Variants in IQCM observed in about 807,000 individuals in gnomAD.
IQCM encodes IQ domain-containing protein M.
In IQCM, 45 loss-of-function variants were observed where a neutral mutation model predicts 57.6. The ratio of observed to expected loss-of-function variants is 0.78; its 90% CI spans 0.62 to 1.00. IQCM has a LOEUF of 1.00. Ranked by LOEUF, IQCM falls within the 50% of genes least tolerant of loss-of-function variation. The pLI is 0.00. For synonymous variants in IQCM, 148 were observed against 158.9 expected, an observed-to-expected ratio of 0.93 and a Z score of 0.51; for missense variants, 468 against 511.6, an observed-to-expected ratio of 0.91 and a Z score of 0.82.
chr4:149,439,777 T>C (rs575375911), intron 12 of IQCM, among the ~76,000 whole-genome samples: 1 of 152,196 alleles, frequency 6.6e-6, no homozygotes, highest in Non-Finnish European at 1.5e-5. Flanking sequence ...CTTAGTTACA[T>C]TTGTGAGAGT....
intron 12 of IQCM, among the ~76,000 whole-genome samples, chr4:149,479,123 C>T (rs1342646769): frequency 6.6e-6 from 1 of 152,072 alleles, no homozygotes; most frequent in Non-Finnish European, 1.5e-5. Context: ...GGACAAGTGT[C>T]GCAAGAAGAG....
chr4:149,592,046 G>T (rs1227702307), intron 8 of IQCM, among the ~76,000 whole-genome samples: 1 of 152,116 alleles, frequency 6.6e-6, no homozygotes, highest in African/African-American at 2.4e-5. Context: ...TTCCACAATG[G>T]TTGAGTTAGT....
chr4:149,474,731 A>T (rs72724102), intron 12 of IQCM, among the ~76,000 whole-genome samples: 11,455 of 151,636 alleles, frequency 0.076, 560 homozygotes, highest in Middle Eastern at 0.15. Flanking sequence ...TAAATAAATA[A>T]ATATATATAA....
At chr4:149,647,463 C>A (rs191999761) in intron 7 of IQCM, among the ~76,000 whole-genome samples, 1 of 151,846 alleles carries the variant, frequency 6.6e-6, no homozygotes, top group South Asian at 2.1e-4. Flanking sequence ...AAGATGCTTG[C>A]GGAATTTTAG....
intron 13 of IQCM, among the ~76,000 whole-genome samples, chr4:149,409,073 C>G (rs1733187520): frequency 6.6e-6 from 1 of 152,186 alleles, no homozygotes; most frequent in Non-Finnish European, 1.5e-5. Flanking sequence ...GGAAATACTG[C>G]CCCATGTCAT....
At chr4:149,547,609 T>A (rs1748584541) in intron 12 of IQCM, among the ~76,000 whole-genome samples, 1 of 152,116 alleles carries the variant, frequency 6.6e-6, no homozygotes, top group Admixed American at 6.5e-5. Context: ...ACTGTATTGA[T>A]TACCTGAAAT....
chr4:149,509,422 G>T (rs1208608349), intron 12 of IQCM, among the ~76,000 whole-genome samples: 1 of 151,962 alleles, frequency 6.6e-6, no homozygotes, highest in Non-Finnish European at 1.5e-5. Context: ...GGAACTACAG[G>T]CATGCACAAT....
At chr4:149,748,821 G>A (rs935065796) in intron 2 of IQCM, 1 of 152,102 alleles carries the variant, frequency 6.6e-6, no homozygotes, top group Non-Finnish European at 1.5e-5. Context: ...TCAACTACTA[G>A]AATAAATCGA....
At chr4:149,415,686 A>G (rs913731900) in intron 13 of IQCM, among the ~76,000 whole-genome samples, 1 of 152,298 alleles carries the variant, frequency 6.6e-6, no homozygotes, top group East Asian at 1.9e-4. Flanking sequence ...GACTAATAAT[A>G]GAATATTCCA....
intron 12 of IQCM, among the ~76,000 whole-genome samples, chr4:149,493,115 T>C (rs913098365): frequency 9.9e-5 from 15 of 152,134 alleles, no homozygotes; most frequent in African/African-American, 3.6e-4. Flanking sequence ...GGATCACCCA[T>C]GATCCCCAAA....
At chr4:149,671,496 T>G (rs1262504201) in intron 7 of IQCM, among the ~76,000 whole-genome samples, 2 of 152,188 alleles carry the variant, frequency 1.3e-5, no homozygotes, top group East Asian at 3.9e-4. Context: ...GCTCTGATCT[T>G]AGTTATTTCT....
chr4:149,736,684 AAC>A (rs760642217), intron 3 of IQCM, among the ~76,000 whole-genome samples: 4 of 152,198 alleles, frequency 2.6e-5, no homozygotes, highest in African/African-American at 4.8e-5. Flanking sequence ...AAAGACTGAT[AAC>A]ACCAAGTGTT....
chr4:149,664,065 T>C (rs966985094), intron 7 of IQCM, among the ~76,000 whole-genome samples: 1 of 152,130 alleles, frequency 6.6e-6, no homozygotes, highest in Non-Finnish European at 1.5e-5. Context: ...TTTTTCTGCT[T>C]GATTAGTCTG....
chr4:149,731,410 C>T (rs1766447651), intron 5 of IQCM, among the ~76,000 whole-genome samples: 1 of 152,030 alleles, frequency 6.6e-6, no homozygotes, highest in Non-Finnish European at 1.5e-5. Context: ...CTAGTTAGTA[C>T]CTTGATCTTG....
chr4:149,448,422 C>T (rs1005524147), intron 12 of IQCM, among the ~76,000 whole-genome samples: 6 of 151,234 alleles, frequency 4.0e-5, no homozygotes, highest in Admixed American at 3.3e-4. Context: ...AATTAAAGAG[C>T]CAAGCTTTTG....
intron 8 of IQCM, among the ~76,000 whole-genome samples, chr4:149,620,629 T>C (rs1053870311): frequency 6.6e-6 from 1 of 152,218 alleles, no homozygotes; most frequent in Non-Finnish European, 1.5e-5. Context: ...GAGAAATAAA[T>C]GAATTTAAAG....
intron 10 of IQCM, among the ~76,000 whole-genome samples, chr4:149,555,810 G>A (rs1364078336): frequency 2.0e-5 from 3 of 152,120 alleles, no homozygotes; most frequent in Non-Finnish European, 4.4e-5. Flanking sequence ...AGAAAAGGAA[G>A]GGCATTGGGC....
intron 7 of IQCM, among the ~76,000 whole-genome samples, chr4:149,634,448 T>C (rs1023691920): frequency 1.3e-5 from 2 of 152,238 alleles, no homozygotes; most frequent in African/African-American, 4.8e-5. Context: ...TCTTGTATTC[T>C]AACTCAGCCA....
chr4:149,471,165 T>C (rs949744149), intron 12 of IQCM, among the ~76,000 whole-genome samples: 34 of 152,064 alleles, frequency 2.2e-4, no homozygotes, highest in Non-Finnish European at 2.9e-5. Flanking sequence ...CTTCAAAAAA[T>C]CAATGAATCC....
Sources: allele counts gnomAD v4.1 joint callset (sites outside exome capture counted in the v4.1 genomes callset), GRCh38; gene constraint gnomAD v4.1.1; transcripts MANE v1.5; gene names NCBI Gene and HGNC (gene_info 2026-07-23, HGNC 2026-07-21).